Variants in ZC3H12B observed in about 807,000 individuals in gnomAD.
ZC3H12B encodes zinc finger CCCH-type containing 12B, also known as probable ribonuclease ZC3H12B.
ZC3H12B carries 7 observed loss-of-function variants against 43.9 expected under a neutral mutation model. That is an observed-to-expected ratio of 0.16 (90% confidence interval 0.09 to 0.30). The LOEUF is 0.30. ZC3H12B is among the 10% of genes least tolerant of loss of function. The probability of loss-of-function intolerance (pLI) is 1.00; values close to 1 mark genes in which losing one functional copy is unlikely to be tolerated. For missense variants in ZC3H12B, 475 were observed against 670.2 expected, an observed-to-expected ratio of 0.71 and a Z score of 3.22; for synonymous variants, 222 against 241.7, an observed-to-expected ratio of 0.92 and a Z score of 0.76.
chrX:65,492,135 TTTTGTTTTGG>T (rs2068214690), intron 1 of ZC3H12B, among the ~76,000 whole-genome samples: 1 of 110,278 alleles, frequency 9.1e-6, no homozygotes, highest in African/African-American at 3.3e-5. Context: ...TTTTGTTTTG[TTTTGTTTTGG>T]TTTGGTTTGG....
chrX:65,188,229 T>C, the ZC3H12B span, among the ~76,000 whole-genome samples: 2 of 111,691 alleles, frequency 1.8e-5, no homozygotes, highest in African/African-American at 6.5e-5. Flanking sequence ...CTTAGGTTGC[T>C]TCCACATTTT....
At chrX:65,064,182 T>C in the ZC3H12B span, among the ~76,000 whole-genome samples, 74 of 111,849 alleles carry the variant, frequency 6.6e-4, no homozygotes, top group African/African-American at 2.3e-3. Context: ...AGTTATTTCT[T>C]GTCTTCTGCT....
chrX:65,374,139 A>AT (rs1185651244), intron 2 of ZC3H12B, among the ~76,000 whole-genome samples: 1 of 76,386 alleles, frequency 1.3e-5, no homozygotes, highest in Non-Finnish European at 2.3e-5. Flanking sequence ...GTGTATATAT[A>AT]ACTATATATA....
At chrX:65,138,722 CT>C in the ZC3H12B span, among the ~76,000 whole-genome samples, 1 of 111,155 alleles carries the variant, frequency 9.0e-6, no homozygotes, top group South Asian at 3.7e-4. Context: ...CAAAGATTTC[CT>C]TTTTTTTCTG....
intron 2 of ZC3H12B, among the ~76,000 whole-genome samples, chrX:65,383,476 G>A (rs1473948644): frequency 2.7e-5 from 3 of 111,696 alleles, no homozygotes; most frequent in Admixed American, 9.5e-5. Flanking sequence ...AGACTTAAAC[G>A]TTTGACCTAA....
the ZC3H12B span, among the ~76,000 whole-genome samples, chrX:65,232,547 C>T: frequency 9.0e-6 from 1 of 111,526 alleles, no homozygotes; most frequent in Admixed American, 9.6e-5. Context: ...TTGCTTATAA[C>T]GTGTTATTTG....
the ZC3H12B span, among the ~76,000 whole-genome samples, chrX:65,130,844 G>T: frequency 6.1e-3 from 683 of 111,750 alleles, 4 homozygotes; most frequent in Non-Finnish European, 0.01. Context: ...AGGGATAGAA[G>T]TTGGAATGCT....
the ZC3H12B span, among the ~76,000 whole-genome samples, chrX:65,127,934 C>A: frequency 1.8e-5 from 2 of 111,654 alleles, no homozygotes; most frequent in Admixed American, 1.9e-4. Flanking sequence ...AGACTGAGAA[C>A]TTGTCCCAGA....
the ZC3H12B span, among the ~76,000 whole-genome samples, chrX:65,270,535 A>T: frequency 9.0e-6 from 1 of 111,241 alleles, no homozygotes; most frequent in Non-Finnish European, 1.9e-5. Context: ...AATAAATGGG[A>T]CTACCTCAAA....
chrX:65,272,202 A>G, the ZC3H12B span: 1 of 107,560 alleles, frequency 9.3e-6, no homozygotes, highest in Non-Finnish European at 1.9e-5. Context: ...CAACAGAGTG[A>G]GACTGTCTCA....
intron 3 of ZC3H12B, among the ~76,000 whole-genome samples, chrX:65,441,530 C>A (rs909935409): frequency 8.9e-6 from 1 of 111,916 alleles, no homozygotes; most frequent in Non-Finnish European, 1.9e-5. Flanking sequence ...CTTCCCATTC[C>A]CACATATGGC....
intron 1 of ZC3H12B, 123 bp downstream of exon 6, chrX:65,489,532 G>A (rs1004996697): frequency 1.2e-6 from 1 of 867,986 alleles, no homozygotes. Context: ...GTTTCTGAAG[G>A]TGGCCAGAGA....
chrX:65,353,383 C>T, the ZC3H12B span, among the ~76,000 whole-genome samples: 1 of 110,996 alleles, frequency 9.0e-6, no homozygotes, highest in Non-Finnish European at 1.9e-5. Context: ...AATTAATAAT[C>T]CTACAATTAG....
chrX:65,387,768 G>A (rs1268165464), intron 2 of ZC3H12B, among the ~76,000 whole-genome samples: 1 of 112,755 alleles, frequency 8.9e-6, no homozygotes, highest in African/African-American at 3.2e-5. Context: ...TGTTTTTGCA[G>A]TGGCTGGTAC....
the ZC3H12B span, among the ~76,000 whole-genome samples, chrX:65,154,136 C>G: frequency 9.9e-5 from 11 of 110,923 alleles, no homozygotes; most frequent in African/African-American, 3.3e-4. Context: ...TGTTAAATGA[C>G]GAGTTAATGG....
At chrX:65,228,708 C>G in the ZC3H12B span, among the ~76,000 whole-genome samples, 1 of 111,867 alleles carries the variant, frequency 8.9e-6, no homozygotes, top group Non-Finnish European at 1.9e-5. Context: ...AATCAATGTA[C>G]AAAAATCACA....
At position 65,440,568 on chromosome X, in the gene ZC3H12B, A is replaced by G. The variant is rs947036099; in HGVS notation, n.407+41864A>G. Among the ~76,000 whole-genome samples, 10 of 112,519 alleles carry G rather than the reference A, an allele frequency of 8.9e-5. No homozygotes were observed. In the Admixed American group the frequency reaches 9.4e-4, roughly 11 times the overall value. On this transcript the variant is annotated intron_variant and non_coding_transcript_variant, in intron 3 of 5. Coordinates refer to the ZC3H12B transcript ENST00000617377. Reference sequence around the variant, plus strand: ...CATCTATAAAACAATAAAAACGCTTAGCAGGCTGCAGGTTGTTTACTGCAG... The same window carrying G: ...CATCTATAAAACAATAAAAACGCTTGGCAGGCTGCAGGTTGTTTACTGCAG...
the ZC3H12B span, among the ~76,000 whole-genome samples, chrX:65,152,453 A>G: frequency 9.0e-6 from 1 of 111,572 alleles, no homozygotes; most frequent in Non-Finnish European, 1.9e-5. Flanking sequence ...CAGAGAGCCA[A>G]ATCATGAGTG....
the ZC3H12B span, among the ~76,000 whole-genome samples, chrX:65,224,511 AGACAGTGGGCGCAG>A: frequency 8.9e-6 from 1 of 112,665 alleles, no homozygotes; most frequent in Non-Finnish European, 1.9e-5. Context: ...AGGGAGTGCC[AGACAGTGGGCGCAG>A]GACAGTGGGT....
Sources: gnomAD v4.1 joint callset for allele counts (sites outside exome capture counted in the v4.1 genomes callset) on GRCh38, gnomAD v4.1.1 for gene constraint, MANE v1.5 for transcripts, NCBI Gene and HGNC (gene_info 2026-07-23, HGNC 2026-07-21) for gene names.